AKAP19: variants seen among roughly 807,000 people sequenced by gnomAD.
The protein encoded by AKAP19 is small A-kinase anchoring protein.
the AKAP19 span, among the ~76,000 whole-genome samples, chr2:190,025,661 T>A: frequency 6.6e-6 from 1 of 152,204 alleles, no homozygotes; most frequent in Non-Finnish European, 1.5e-5. Context: ...TCCTGGCCAT[T>A]TCTGCGCAAT....
chr2:189,920,595 T>A, the AKAP19 span, among the ~76,000 whole-genome samples: 1 of 152,234 alleles, frequency 6.6e-6, no homozygotes, highest in African/African-American at 2.4e-5. Context: ...CCCCAAGGCC[T>A]GAGGGTACCA....
At chr2:189,975,795 T>C in the AKAP19 span, among the ~76,000 whole-genome samples, 1 of 152,322 alleles carries the variant, frequency 6.6e-6, no homozygotes, top group East Asian at 1.9e-4. Context: ...AGCTTGTGCA[T>C]TCGTCAAGTA....
At chr2:190,065,720 C>A in the AKAP19 span, among the ~76,000 whole-genome samples, 1 of 152,022 alleles carries the variant, frequency 6.6e-6, no homozygotes, top group Non-Finnish European at 1.5e-5. Context: ...AACAATAGTT[C>A]AATATTTGCT....
chr2:190,031,519 CA>C, the AKAP19 span, among the ~76,000 whole-genome samples: 1 of 150,768 alleles, frequency 6.6e-6, no homozygotes, highest in Non-Finnish European at 1.5e-5. Flanking sequence ...ACAATGGTGG[CA>C]AAATAAATCC....
chr2:190,125,193 A>G, the AKAP19 span, among the ~76,000 whole-genome samples: 4 of 152,158 alleles, frequency 2.6e-5, no homozygotes, highest in East Asian at 1.9e-4. Flanking sequence ...CACCACCACA[A>G]TCATGTGAGT....
chr2:189,924,788 T>C, the AKAP19 span, among the ~76,000 whole-genome samples: 4,896 of 152,198 alleles, frequency 0.032, 263 homozygotes, highest in African/African-American at 0.11. Context: ...AAGATTTGTT[T>C]TCTAAAGTTG....
chr2:189,947,873 G>T, the AKAP19 span, among the ~76,000 whole-genome samples: 1 of 152,024 alleles, frequency 6.6e-6, no homozygotes, highest in African/African-American at 2.4e-5. Flanking sequence ...CACATACTTT[G>T]TTGATGGCAG....
chr2:190,008,175 T>C, the AKAP19 span, among the ~76,000 whole-genome samples: 1 of 152,194 alleles, frequency 6.6e-6, no homozygotes, highest in African/African-American at 2.4e-5. Context: ...CAAAACACAA[T>C]AGATGAAACT....
chr2:190,014,373 G>A, the AKAP19 span, among the ~76,000 whole-genome samples: 2 of 152,082 alleles, frequency 1.3e-5, no homozygotes, highest in Non-Finnish European at 2.9e-5. Context: ...GTGTGTGAAG[G>A]AGGAACTCTC....
the AKAP19 span, among the ~76,000 whole-genome samples, chr2:190,157,409 A>C: frequency 1.1e-5 from 1 of 94,506 alleles, no homozygotes; most frequent in African/African-American, 3.6e-5. Context: ...ACAGGATGCT[A>C]TATATCTAGA....
chr2:189,968,896 A>C, the AKAP19 span, among the ~76,000 whole-genome samples: 2 of 151,174 alleles, frequency 1.3e-5, no homozygotes, highest in South Asian at 2.1e-4. Flanking sequence ...TATCATACAA[A>C]TAATATTTCC....
the AKAP19 span, among the ~76,000 whole-genome samples, chr2:190,110,119 G>C: frequency 6.6e-6 from 1 of 151,010 alleles, no homozygotes; most frequent in Non-Finnish European, 1.5e-5. Flanking sequence ...GTGTAGATGA[G>C]ACCTAGAGAA....
At chr2:189,978,826 C>A in the AKAP19 span, among the ~76,000 whole-genome samples, 22 of 152,092 alleles carry the variant, frequency 1.4e-4, no homozygotes, top group East Asian at 4.3e-3. Context: ...CTCAATCTCA[C>A]TTATACTAGC....
chr2:190,127,354 T>C, the AKAP19 span, among the ~76,000 whole-genome samples: 6 of 151,898 alleles, frequency 4.0e-5, no homozygotes, highest in East Asian at 1.2e-3. Flanking sequence ...ACCAACACAG[T>C]TTTTCCTCCT....
chr2:189,993,039 A>C, the AKAP19 span, among the ~76,000 whole-genome samples: 2 of 152,116 alleles, frequency 1.3e-5, no homozygotes, highest in Non-Finnish European at 2.9e-5. Context: ...TCTGGCTAGG[A>C]CTTCCAGTAT....
chr2:190,020,990 T>C, the AKAP19 span, among the ~76,000 whole-genome samples: 1 of 152,196 alleles, frequency 6.6e-6, no homozygotes, highest in Non-Finnish European at 1.5e-5. Flanking sequence ...ATTTCCTTCC[T>C]TTATAGGATG....
At chr2:189,942,867 A>G in the AKAP19 span, among the ~76,000 whole-genome samples, 141,329 of 152,286 alleles carry the variant, frequency 0.93, 65,624 homozygotes, top group East Asian at 0.97. Flanking sequence ...AAGCAGCAAA[A>G]GGTTCAAGAT....
At chr2:189,971,611 G>T in the AKAP19 span, among the ~76,000 whole-genome samples, 1 of 152,110 alleles carries the variant, frequency 6.6e-6, no homozygotes, top group Non-Finnish European at 1.5e-5. Context: ...CAGTGTAAAA[G>T]TGTTCCTATT....
the AKAP19 span, among the ~76,000 whole-genome samples, chr2:190,069,525 C>T: frequency 5.6e-3 from 854 of 152,114 alleles, 11 homozygotes; most frequent in African/African-American, 0.019. Flanking sequence ...AATCTTAACT[C>T]TCTTTACTCC....
Sources: gnomAD v4.1 joint callset for allele counts (sites outside exome capture counted in the v4.1 genomes callset) on GRCh38, gnomAD v4.1.1 for gene constraint, MANE v1.5 for transcripts, NCBI Gene and HGNC (gene_info 2026-07-23, HGNC 2026-07-21) for gene names.